Variants in CERS3 observed in about 807,000 individuals in gnomAD.
CERS3 encodes the protein LAG1 homolog, ceramide synthase 3.
A neutral mutation model predicts 50.3 loss-of-function variants in CERS3; 33 were observed. The ratio of observed to expected loss-of-function variants is 0.66; its 90% CI spans 0.50 to 0.88. The LOEUF (loss-of-function observed/expected upper bound fraction) is 0.88. CERS3 is among the 40% of genes least tolerant of loss of function. The probability of loss-of-function intolerance (pLI) is 0.00; values close to 1 mark genes in which losing one functional copy is unlikely to be tolerated. For missense variants in CERS3, 470 were observed against 460.3 expected, an observed-to-expected ratio of 1.02 and a Z score of -0.19; for synonymous variants, 176 against 155.2, an observed-to-expected ratio of 1.13 and a Z score of -0.99.
rs1294075420 is a variant in CERS3 at position 100,476,400 on chromosome 15, T to A, written c.517-222A>T. ...ACAAGTATTCCAAACCCAAGTTGAA[T>A]GTTTTGTTTAAAAAATTAAATACAA... On this transcript the variant is annotated intron_variant, in intron 7 of 11. Coordinates refer to ENST00000679737, the MANE Select transcript of CERS3 (RefSeq NM_001378789.1). 2.0e-5 allele frequency among the ~76,000 whole-genome samples: 3 copies of A among 152,352 alleles called. No homozygotes were observed. The East Asian group carries it at 5.8e-4, about 29-fold the overall frequency.
At chr15:100,522,184 G>T (rs2036659044) in intron 1 of CERS3, among the ~76,000 whole-genome samples, 1 of 152,148 alleles carries the variant, frequency 6.6e-6, no homozygotes, top group South Asian at 2.1e-4. Context: ...GATAATAAGG[G>T]CCTAGCACAG....
Position 100,476,990 on chromosome 15 carries a change from A to G in CERS3, c.517-812T>C, listed in dbSNP as rs371003618. Among the ~76,000 whole-genome samples the G allele has an allele frequency of 1.1e-4, 17 of 152,356 alleles. No homozygotes were observed. The South Asian group carries it at 2.7e-3, about 24-fold the overall frequency. The stretch of plus-strand genomic sequence containing the variant: ...AAGAGAATCAAGGTGCTGATCGCCA[A>G]TGCTATGAATGACGTCACCATAGAC... On this transcript the variant is annotated intron_variant, in intron 7 of 11. Coordinates refer to ENST00000679737, the MANE Select transcript of CERS3 (RefSeq NM_001378789.1).
intron 11 of CERS3, among the ~76,000 whole-genome samples, chr15:100,430,717 A>G (rs2033082464): frequency 7.1e-6 from 1 of 141,682 alleles, no homozygotes; most frequent in Admixed American, 6.9e-5. Context: ...TGTATGAAAA[A>G]AATACATTCA....
chr15:100,520,497 G>A (rs569658528), intron 2 of CERS3, among the ~76,000 whole-genome samples: 1 of 152,284 alleles, frequency 6.6e-6, no homozygotes, highest in Admixed American at 6.5e-5. Flanking sequence ...AGGCCCCGCT[G>A]AACTGCTCCT....
At chr15:100,541,698 T>C (rs1472105179) in intron 1 of CERS3, among the ~76,000 whole-genome samples, 2 of 152,188 alleles carry the variant, frequency 1.3e-5, no homozygotes, top group African/African-American at 4.8e-5. Context: ...AGATGACTCA[T>C]AGCTTCCCTG....
chr15:100,405,867 C>A (rs1222274038), intron 11 of CERS3, among the ~76,000 whole-genome samples: 1 of 152,178 alleles, frequency 6.6e-6, no homozygotes, highest in Non-Finnish European at 1.5e-5. Flanking sequence ...TTTTAAAAAG[C>A]AAATACTGTG....
At position 100,456,060 on chromosome 15, in the gene CERS3, C is replaced by T. The variant is rs930282363; in HGVS notation, c.846-14G>A. ...CAATATAAAATCCTGAAACACCAAA[C>T]AGTTGAGAGAATTTCATTACAACCA... On this transcript the variant is annotated splice_polypyrimidine_tract_variant and intron_variant, in intron 10 of 11. Coordinates refer to ENST00000679737, the MANE Select transcript of CERS3 (RefSeq NM_001378789.1). The T allele has an allele frequency of 3.2e-6, 5 of 1,587,140 alleles. No individual in the cohort carries two copies. The South Asian group carries it at 3.5e-5, about 11-fold the overall frequency.
chr15:100,447,638 CA>C (rs1752981591), intron 11 of CERS3, among the ~76,000 whole-genome samples: 1 of 152,244 alleles, frequency 6.6e-6, no homozygotes. Flanking sequence ...CGATCTTTTT[CA>C]CTTGCTTTAA....
At chr15:100,466,832 C>CTCTTTCTCTCTTTCTCTCTTTCTCT (rs1555528069) in intron 10 of CERS3, among the ~76,000 whole-genome samples, 1 of 18,778 alleles carries the variant, frequency 5.3e-5, no homozygotes, top group Non-Finnish European at 1.2e-4. Flanking sequence ...TCCCTCTCTC[C>CTCTTTCTCTCTTTCTCTCTTTCTCT]CTCTCTCCCT....
intron 11 of CERS3, 83 bp from the exon 12 acceptor site, chr15:100,402,948 A>G: frequency 7.3e-7 from 1 of 1,371,884 alleles, no homozygotes; most frequent in Non-Finnish European, 9.9e-7. Flanking sequence ...AGTTTCAAGT[A>G]TGGCTCCCTT....
intron 1 of CERS3, among the ~76,000 whole-genome samples, chr15:100,536,452 T>G (rs1305088720): frequency 2.0e-5 from 3 of 152,022 alleles, no homozygotes; most frequent in Non-Finnish European, 4.4e-5. Context: ...GCCTGGCTAG[T>G]TTTTGCATTT....
chr15:100,535,623 G>T (rs561718066), intron 1 of CERS3, among the ~76,000 whole-genome samples: 10 of 150,120 alleles, frequency 6.7e-5, no homozygotes, highest in African/African-American at 2.2e-4. Flanking sequence ...ATGTAAGCAC[G>T]ATTAGAAGTA....
At chr15:100,537,419 A>C (rs995880609) in intron 1 of CERS3, among the ~76,000 whole-genome samples, 1 of 152,240 alleles carries the variant, frequency 6.6e-6, no homozygotes, top group East Asian at 1.9e-4. Context: ...ACTGCTATAA[A>C]GAACTGCTTG....
At chr15:100,480,716 T>C (rs1391256412) in intron 5 of CERS3, among the ~76,000 whole-genome samples, 1 of 152,194 alleles carries the variant, frequency 6.6e-6, no homozygotes, top group Non-Finnish European at 1.5e-5. Context: ...AAATCTTTTA[T>C]TAAATAAAAA....
In CERS3 at chr15:100,401,811, G is replaced by C. The variant is rs1286936815; in HGVS notation, c.*902C>G. 1 of 152,110 alleles carries C rather than the reference G, an allele frequency of 6.6e-6. No homozygotes were observed. Among genetic ancestry groups the C allele is most frequent in the African/African-American group, 2.4e-5 (1 of 41,408 alleles). The allele number at this position is 152,110 out of a possible 1,614,324, so 9.4% of individuals were successfully genotyped here. A position where few individuals can be genotyped will look rare whatever the true frequency, so the allele number is the denominator to read the frequency against. On this transcript the variant is annotated 3_prime_UTR_variant, in exon 12 of 12. Coordinates refer to ENST00000679737, the MANE Select transcript of CERS3 (RefSeq NM_001378789.1). Reference sequence around the variant, plus strand: ...AGCACAGAAGCTTCCCTCCTAGAAAGGAAAAAAGGGAAAGACCAGCAAAGG... The same window carrying C: ...AGCACAGAAGCTTCCCTCCTAGAAACGAAAAAAGGGAAAGACCAGCAAAGG...
chr15:100,490,933 T>C lies in CERS3; in HGVS notation c.174-2A>G, dbSNP rs756566318. On this transcript the variant is annotated splice_acceptor_variant, in intron 3 of 11. Transcript: ENST00000679737. LOFTEE classifies it high-confidence loss of function. ...TTTGCTAGAGGTGAAGCAACAAATC[T>C]ACAAAAATATGAAAAGAAAAAAAGT... 10 of 1,559,918 alleles carry C rather than the reference T, an allele frequency of 6.4e-6. No individual in the cohort carries two copies. Among genetic ancestry groups the C allele is most frequent in the Non-Finnish European group, 8.7e-6 (10 of 1,144,696 alleles).
upstream of CERS3, among the ~76,000 whole-genome samples, chr15:100,531,019 G>A (rs1012164683): frequency 1.3e-5 from 2 of 152,102 alleles, no homozygotes; most frequent in African/African-American, 2.4e-5. Flanking sequence ...AGGAGACAGA[G>A]GTTACAATGA....
chr15:100,452,389 C>T (rs2034204472), intron 11 of CERS3, among the ~76,000 whole-genome samples: 2 of 151,906 alleles, frequency 1.3e-5, no homozygotes, highest in Admixed American at 6.6e-5. Context: ...TGGAAAAAAA[C>T]ATGCTCCAAA....
At chr15:100,512,555 A>G (rs2036375876) in intron 2 of CERS3, among the ~76,000 whole-genome samples, 1 of 152,182 alleles carries the variant, frequency 6.6e-6, no homozygotes, top group Non-Finnish European at 1.5e-5. Context: ...GAGGGTCTGC[A>G]TGTCAGCCTG....
Sources: allele counts gnomAD v4.1 joint callset (sites outside exome capture counted in the v4.1 genomes callset), GRCh38; gene constraint gnomAD v4.1.1; transcripts MANE v1.5; gene names NCBI Gene and HGNC (gene_info 2026-07-23, HGNC 2026-07-21).